STEAP1B: variants seen among roughly 807,000 people sequenced by gnomAD.
The protein encoded by STEAP1B is STEAP family member 1B, also known as STEAP family protein MGC87042.
In STEAP1B, 13 loss-of-function variants were observed where a neutral mutation model predicts 27.9. That is an observed-to-expected ratio of 0.47 (90% CI 0.30 to 0.74). STEAP1B has a LOEUF of 0.74. Among genes scored for constraint, STEAP1B ranks in the 30% least tolerant of loss-of-function variants. The pLI, the probability that STEAP1B is intolerant of heterozygous loss-of-function variation, is 0.06. For synonymous variants in STEAP1B, 86 were observed against 107.1 expected, an observed-to-expected ratio of 0.80 and a Z score of 1.22; for missense variants, 250 against 298.7, an observed-to-expected ratio of 0.84 and a Z score of 1.20.
intron 4 of STEAP1B, among the ~76,000 whole-genome samples, chr7:22,447,702 C>T (rs1785429295): frequency 6.6e-6 from 1 of 152,192 alleles, no homozygotes; most frequent in Admixed American, 6.5e-5. Flanking sequence ...CAAGACCTGT[C>T]CTGGTGTGCA....
intron 4 of STEAP1B, among the ~76,000 whole-genome samples, chr7:22,446,086 G>C (rs551971400): frequency 6.6e-6 from 1 of 152,368 alleles, no homozygotes; most frequent in South Asian, 2.1e-4. Flanking sequence ...ATGCAGTTCT[G>C]CTGTGCAGTT....
chr7:22,440,204 A>G (rs78950110), intron 4 of STEAP1B, among the ~76,000 whole-genome samples: 5,571 of 152,218 alleles, frequency 0.037, 329 homozygotes, highest in African/African-American at 0.13. Context: ...GGAAATTAAC[A>G]AATTAAACTG....
At chr7:22,449,122 A>T (rs902318980) in intron 4 of STEAP1B, among the ~76,000 whole-genome samples, 3 of 152,136 alleles carry the variant, frequency 2.0e-5, no homozygotes, top group Admixed American at 1.3e-4. Context: ...CCAAGCATTT[A>T]TCCTTTGTGT....
intron 4 of STEAP1B, among the ~76,000 whole-genome samples, chr7:22,467,792 G>C (rs1162098678): frequency 6.6e-6 from 1 of 152,034 alleles, no homozygotes; most frequent in African/African-American, 2.4e-5. Context: ...CCCAGTCTCG[G>C]GTGTGTCTTT....
chr7:22,477,818 A>T (rs1017977340), intron 4 of STEAP1B, among the ~76,000 whole-genome samples: 5 of 152,184 alleles, frequency 3.3e-5, no homozygotes, highest in African/African-American at 1.2e-4. Flanking sequence ...TCTCCTTTTA[A>T]TCTTCCTTTG....
intron 4 of STEAP1B, among the ~76,000 whole-genome samples, chr7:22,470,073 A>G (rs1785854743): frequency 6.6e-6 from 1 of 152,264 alleles, no homozygotes; most frequent in Non-Finnish European, 1.5e-5. Context: ...ATTGCACTCC[A>G]GGAGCAATGA....
At chr7:22,445,577 T>C (rs1027643046) in intron 4 of STEAP1B, among the ~76,000 whole-genome samples, 2 of 152,378 alleles carry the variant, frequency 1.3e-5, no homozygotes, top group Middle Eastern at 6.8e-3. Context: ...CCTGCACCTC[T>C]TCAGGGTACA....
intron 4 of STEAP1B, among the ~76,000 whole-genome samples, chr7:22,436,543 C>CCCCCCCT (rs371966383): frequency 1.2e-4 from 18 of 149,572 alleles, no homozygotes; most frequent in Non-Finnish European, 2.1e-4. Flanking sequence ...TCTTCCTCCT[C>CCCCCCCT]CCACCCTCCA....
intron 4 of STEAP1B, among the ~76,000 whole-genome samples, chr7:22,452,980 C>G (rs1407224262): frequency 1.3e-5 from 2 of 152,152 alleles, no homozygotes; most frequent in Non-Finnish European, 2.9e-5. Context: ...AGGGGATAAA[C>G]TATTTTGATT....
At chr7:22,457,050 A>AGC (rs1334199139) in intron 4 of STEAP1B, among the ~76,000 whole-genome samples, 13 of 148,104 alleles carry the variant, frequency 8.8e-5, no homozygotes, top group African/African-American at 2.8e-4. Flanking sequence ...AGCAATGTGA[A>AGC]GCTGGACAGC....
intron 4 of STEAP1B, among the ~76,000 whole-genome samples, chr7:22,450,497 T>C (rs1252323644): frequency 6.6e-6 from 1 of 152,212 alleles, no homozygotes; most frequent in Non-Finnish European, 1.5e-5. Context: ...GTGTCTGAAT[T>C]TGTTTCTGGG....
intron 4 of STEAP1B, among the ~76,000 whole-genome samples, chr7:22,458,509 C>A (rs1241754959): frequency 6.6e-6 from 1 of 152,228 alleles, no homozygotes; most frequent in Non-Finnish European, 1.5e-5. Flanking sequence ...AGCTTGAAGT[C>A]AGCAGTGGTA....
chr7:22,428,039 T>C (rs920157990), intron 4 of STEAP1B, among the ~76,000 whole-genome samples: 2 of 152,190 alleles, frequency 1.3e-5, no homozygotes, highest in Non-Finnish European at 2.9e-5. Context: ...TGGGCTGGCC[T>C]GACAGAATTG....
chr7:22,464,271 G>A (rs1785732121), intron 4 of STEAP1B, among the ~76,000 whole-genome samples: 1 of 152,190 alleles, frequency 6.6e-6, no homozygotes, highest in Non-Finnish European at 1.5e-5. Context: ...ACCCTCTCCA[G>A]TGAATTTGGA....
chr7:22,421,753 AG>A (rs1214849546), intron 4 of STEAP1B, among the ~76,000 whole-genome samples: 1 of 152,242 alleles, frequency 6.6e-6, no homozygotes, highest in Non-Finnish European at 1.5e-5. Context: ...AGCATTCAGA[AG>A]GCGGCTACCC....
At chr7:22,443,632 C>G (rs537082044) in intron 4 of STEAP1B, among the ~76,000 whole-genome samples, 1 of 152,306 alleles carries the variant, frequency 6.6e-6, no homozygotes, top group East Asian at 1.9e-4. Context: ...ACTGCTATGC[C>G]CTTTGCACAC....
intron 4 of STEAP1B, among the ~76,000 whole-genome samples, chr7:22,492,047 C>G (rs1325162070): frequency 6.6e-6 from 1 of 151,940 alleles, no homozygotes; most frequent in Admixed American, 6.6e-5. Context: ...GTAGGCCGGG[C>G]GCGGTGGCTC....
chr7:22,482,582 C>T (rs1034056312), intron 4 of STEAP1B, among the ~76,000 whole-genome samples: 9 of 152,278 alleles, frequency 5.9e-5, no homozygotes, highest in East Asian at 1.9e-4. Context: ...AGCAGCCTGG[C>T]GTTCTGTATT....
chr7:22,436,472 G>A (rs1785256034), intron 4 of STEAP1B, among the ~76,000 whole-genome samples: 1 of 152,084 alleles, frequency 6.6e-6, no homozygotes, highest in African/African-American at 2.4e-5. Flanking sequence ...AGGTAAACTT[G>A]TTATGCAGAT....
Sources: allele counts gnomAD v4.1 joint callset (sites outside exome capture counted in the v4.1 genomes callset), GRCh38; gene constraint gnomAD v4.1.1; transcripts MANE v1.5; gene names NCBI Gene and HGNC (gene_info 2026-07-23, HGNC 2026-07-21).